IQCH: variants seen among roughly 807,000 people sequenced by gnomAD.
The protein encoded by IQCH is IQ motif containing H, also known as IQ domain-containing protein H.
Under a neutral mutation model 117.0 loss-of-function variants are expected in IQCH, and 98 were observed. The ratio of observed to expected loss-of-function variants is 0.84; its 90% confidence interval spans 0.71 to 0.99. The LOEUF (loss-of-function observed/expected upper bound fraction) is 0.99. IQCH is among the 50% of genes least tolerant of loss of function. The pLI is 0.00. For missense variants in IQCH, 1,102 were observed against 1,243.8 expected (o/e 0.89, Z 1.72); for synonymous variants, 412 against 448.2 (o/e 0.92, Z 1.02).
At chr15:67,484,630 A>G (rs941839858) in intron 18 of IQCH, among the ~76,000 whole-genome samples, 1 of 150,894 alleles carries the variant, frequency 6.6e-6, no homozygotes, top group African/African-American at 2.4e-5. Context: ...AGTCCCAGCT[A>G]CTTGGGAGGC....
intron 6 of IQCH, among the ~76,000 whole-genome samples, chr15:67,347,000 T>C (rs1366609573): frequency 1.3e-5 from 2 of 152,062 alleles, no homozygotes; most frequent in African/African-American, 2.4e-5. Flanking sequence ...ACACAACATA[T>C]TGAAGTTTGT....
At position 67,501,056 on chromosome 15, in the gene IQCH, TTTAC is replaced by T. The variant is rs766668113; in HGVS notation, c.*313_*316del. 3 of 173,404 alleles carry T rather than the reference TTTAC, an allele frequency of 1.7e-5. No homozygotes were observed. Among genetic ancestry groups the T allele is most frequent in the Non-Finnish European group, 2.4e-5 (2 of 82,126 alleles). The allele number at this position is 173,404 out of a possible 1,614,324, so 10.7% of individuals were successfully genotyped here. A position where few individuals can be genotyped will look rare whatever the true frequency, so the allele number is the denominator to read the frequency against. On this transcript the variant is annotated 3_prime_UTR_variant, in exon 21 of 21. Transcript: ENST00000335894. The surrounding 1 kb of genome is among the most constrained non-coding windows in gnomAD (Gnocchi z 5.2). ...AAGTCTTACTGATATCACCTCCGCA[TTTAC>T]TTCCTCATAGGCCTCAGGATTATGT... is the stretch of plus-strand genomic sequence containing the variant.
intron 4 of IQCH, chr15:67,304,387 C>A: frequency 6.5e-7 from 1 of 1,534,696 alleles, no homozygotes; most frequent in Non-Finnish European, 8.7e-7. Flanking sequence ...TGAAAACATC[C>A]ACCACAGAGC....
At position 67,406,487 on chromosome 15, in the gene IQCH, T is replaced by C. The variant is rs1971910095; in HGVS notation, c.2097+6182T>C. 1 of 152,094 alleles carries C rather than the reference T, an allele frequency of 6.6e-6. No individual in the cohort carries two copies. The highest frequency in any genetic ancestry group is 2.1e-4 in the South Asian group (1 of 4,826). 9.4% of individuals were successfully genotyped at this position (152,094 alleles called of 1,614,324 possible). ...CAATGAGTCATGACTGCACCACCAC[T>C]CTCCAGCCTGGGTGACAGAACAAGA... On this transcript the variant is annotated intron_variant, in intron 14 of 20. Coordinates refer to ENST00000335894, the MANE Select transcript of IQCH (RefSeq NM_001031715.3). The surrounding 1 kb of genome is among the most constrained non-coding windows in gnomAD (Gnocchi z 4.5).
intron 5 of IQCH, among the ~76,000 whole-genome samples, chr15:67,338,473 A>G (rs1483188633): frequency 6.6e-6 from 1 of 152,136 alleles, no homozygotes; most frequent in Non-Finnish European, 1.5e-5. Flanking sequence ...TATGAATGTC[A>G]GGAAGCCACA....
rs142268861 is a variant in IQCH, at chr15:67,342,196, A to G, written c.509-1867A>G. Among the ~76,000 whole-genome samples the G allele has an allele frequency of 6.8e-4, 104 of 152,192 alleles. 4 individuals are homozygous for G. In the East Asian group the frequency reaches 0.012, roughly 18 times the overall value. On this transcript the variant is annotated intron_variant, in intron 5 of 20. Coordinates refer to ENST00000335894, the MANE Select transcript of IQCH (RefSeq NM_001031715.3). The surrounding 1 kb of genome is among the most constrained non-coding windows in gnomAD (Gnocchi z 4.7). Reference sequence around the variant, plus strand: ...GCAGGAGGATCACTTTAGCCCAGGTATTCAAGGGTGCAGTGAGCTATGATG... The same window carrying G: ...GCAGGAGGATCACTTTAGCCCAGGTGTTCAAGGGTGCAGTGAGCTATGATG...
chr15:67,313,103 A>G (rs1241409523), intron 4 of IQCH, among the ~76,000 whole-genome samples: 3 of 152,216 alleles, frequency 2.0e-5, no homozygotes, highest in African/African-American at 4.8e-5. Context: ...AGTTTGGGCA[A>G]TATGACCTGA....
At chr15:67,371,554 G>A (rs1016762053) in intron 8 of IQCH, 2 of 1,424,004 alleles carry the variant, frequency 1.4e-6, no homozygotes, top group South Asian at 1.2e-5. Context: ...ATAACATAAT[G>A]TTCCTTGTAA....
chr15:67,338,587 G>A (rs919596847), intron 5 of IQCH, among the ~76,000 whole-genome samples: 1 of 152,148 alleles, frequency 6.6e-6, no homozygotes, highest in South Asian at 2.1e-4. Context: ...CCAGAATGAG[G>A]TGAAAGACTA....
In IQCH at chr15:67,472,661, A is replaced by G. The variant is rs2083100699; in HGVS notation, c.2677-3035A>G. On this transcript the variant is annotated intron_variant, in intron 17 of 20. Coordinates refer to ENST00000335894, the MANE Select transcript of IQCH (RefSeq NM_001031715.3). This position sits in a 1 kb window ranked among gnomAD's most constrained non-coding sequence, Gnocchi z 4.3. ...GAATTTCAATGATCTGTTCAAGATC[A>G]CATACACAGTAAGTGGCCTTGTCAG... 6.6e-6 allele frequency among the ~76,000 whole-genome samples: 1 copy of G among 152,230 alleles called. No homozygotes were observed. Among genetic ancestry groups the G allele is most frequent in the Non-Finnish European group, 1.5e-5 (1 of 68,038 alleles).
rs2083618015 is a variant in IQCH, at chr15:67,490,449, C to G, written c.2861+385C>G. Among the ~76,000 whole-genome samples the G allele has an allele frequency of 6.6e-6, 1 of 152,074 alleles. No homozygotes were observed. The highest frequency in any genetic ancestry group is 2.4e-5 in the African/African-American group (1 of 41,404). On this transcript the variant is annotated intron_variant, in intron 19 of 20. Transcript: ENST00000335894. This position sits in a 1 kb window ranked among gnomAD's most constrained non-coding sequence, Gnocchi z 4.9. ...TCGATCTCTTGACCTCGTGATGCAC[C>G]CACCTGGGCCTCTCAAAGTGCTGGG...
At chr15:67,318,609 G>C (rs946831901) in intron 4 of IQCH, among the ~76,000 whole-genome samples, 5 of 152,054 alleles carry the variant, frequency 3.3e-5, no homozygotes, top group Non-Finnish European at 7.4e-5. Flanking sequence ...CCCTAAAGAA[G>C]ATTAATGAAG....
rs200090010 is a variant in IQCH at position 67,334,039 on chromosome 15, CAG to C, written c.388-2933_388-2932del. The stretch of plus-strand genomic sequence containing the variant: ...TGCCACTGAACTCCAGCCTGGGTGA[CAG>C]AGTAAGGCCCTGTCTGAAAAAAAAA... On this transcript the variant is annotated intron_variant, in intron 4 of 20. Transcript: ENST00000335894. Among the ~76,000 whole-genome samples the C allele has an allele frequency of 1.3e-3, 200 of 151,922 alleles. 5 individuals carry two copies. The highest frequency in any genetic ancestry group is 0.012 in the East Asian group (62 of 5,166).
intron 4 of IQCH, among the ~76,000 whole-genome samples, chr15:67,297,894 C>A (rs565809232): frequency 1.4e-4 from 21 of 152,200 alleles, no homozygotes; most frequent in Admixed American, 7.2e-4. Context: ...AACAAAGAGA[C>A]AACCCACAGA....
intron 18 of IQCH, among the ~76,000 whole-genome samples, chr15:67,486,523 G>C (rs1208500014): frequency 6.6e-6 from 1 of 152,042 alleles, no homozygotes; most frequent in Non-Finnish European, 1.5e-5. Flanking sequence ...GTTGATGCCC[G>C]ATCATTACTA....
At chr15:67,363,150 AAGAAG>A (rs1208828407) in intron 8 of IQCH, among the ~76,000 whole-genome samples, 3 of 152,154 alleles carry the variant, frequency 2.0e-5, no homozygotes, top group Admixed American at 6.6e-5. Flanking sequence ...ATCTTAAAGG[AAGAAG>A]AGAAAAGAAA....
At chr15:67,263,286 A>AATC in intron 3 of IQCH, 70 bp downstream of exon 3, 1 of 787,222 alleles carries the variant, frequency 1.3e-6, no homozygotes, top group Non-Finnish European at 2.2e-6. Flanking sequence ...CTCAAGTGAG[A>AATC]TGACTATAAA....
At chr15:67,434,284 A>G (rs747093055) in intron 16 of IQCH, among the ~76,000 whole-genome samples, 2 of 152,142 alleles carry the variant, frequency 1.3e-5, no homozygotes, top group African/African-American at 2.4e-5. Flanking sequence ...TTCTGTTGCT[A>G]TAAGTTTGAC....
rs761693040 is a variant in IQCH at position 67,357,438 on chromosome 15, C to T, written c.714+17C>T. ...AGATCAAAGGTATTTATATTCCTCA[C>T]TATAGAAAGAAAATTATTCTTATTT... On this transcript the variant is annotated intron_variant, in intron 7 of 20. Transcript: ENST00000335894. The T allele has an allele frequency of 1.4e-6, 2 of 1,473,054 alleles. No homozygotes were observed. Among genetic ancestry groups the T allele is most frequent in the Non-Finnish European group, 1.9e-6 (2 of 1,051,420 alleles). 91.2% of individuals were successfully genotyped at this position (1,473,054 alleles called of 1,614,324 possible).
Sources: gnomAD v4.1 joint callset for allele counts (sites outside exome capture counted in the v4.1 genomes callset) on GRCh38, gnomAD v4.1.1 for gene constraint, Gnocchi (gnomAD v3.1) non-coding constraint, MANE v1.5 for transcripts, NCBI Gene and HGNC (gene_info 2026-07-23, HGNC 2026-07-21) for gene names.